Variants in MIR2052HG observed in about 807,000 individuals in gnomAD.
The protein encoded by MIR2052HG is MIR2052 host gene.
chr8:74,739,088 T>C (rs1038913049), intron 4 of MIR2052HG, among the ~76,000 whole-genome samples: 1 of 152,200 alleles, frequency 6.6e-6, no homozygotes, highest in African/African-American at 2.4e-5. Context: ...CTCTTAAACA[T>C]GTCTTTATGG....
At chr8:74,644,176 T>C (rs918120019) in intron 2 of MIR2052HG, among the ~76,000 whole-genome samples, 4 of 152,214 alleles carry the variant, frequency 2.6e-5, no homozygotes, top group African/African-American at 9.6e-5. Context: ...ATATGTCACA[T>C]TGTGCATTTT....
chr8:74,600,568 CAAAAAAAAAAAGAAAAAGGA>C (rs1357742291), intron 1 of MIR2052HG, among the ~76,000 whole-genome samples: 2 of 119,182 alleles, frequency 1.7e-5, no homozygotes, highest in Admixed American at 1.8e-4. Context: ...AACTCCCTCT[CAAAAAAAAAAAGAAAAAGGA>C]AAAAAAAAAA....
At chr8:74,656,978 T>C (rs1377460710) in intron 2 of MIR2052HG, among the ~76,000 whole-genome samples, 1 of 152,176 alleles carries the variant, frequency 6.6e-6, no homozygotes, top group Non-Finnish European at 1.5e-5. Context: ...CCTTCATACC[T>C]AGAGGCATAG....
intron 2 of MIR2052HG, among the ~76,000 whole-genome samples, chr8:74,689,724 C>G (rs1433683223): frequency 2.0e-5 from 3 of 152,150 alleles, no homozygotes; most frequent in Non-Finnish European, 4.4e-5. Flanking sequence ...TAGCTTTCCA[C>G]CTAGTAGAAG....
chr8:74,619,043 A>C (rs1027986250), intron 2 of MIR2052HG, among the ~76,000 whole-genome samples: 1 of 152,208 alleles, frequency 6.6e-6, no homozygotes, highest in African/African-American at 2.4e-5. Context: ...CAGCTACAAA[A>C]AGTACTTAGG....
At chr8:74,670,636 TAAAC>T (rs1459539638) in intron 2 of MIR2052HG, among the ~76,000 whole-genome samples, 3 of 152,108 alleles carry the variant, frequency 2.0e-5, no homozygotes, top group Non-Finnish European at 2.9e-5. Context: ...GTTAGATACT[TAAAC>T]AAAACATGGA....
At chr8:74,725,792 G>A (rs1033805304) in intron 4 of MIR2052HG, among the ~76,000 whole-genome samples, 58 of 152,224 alleles carry the variant, frequency 3.8e-4, no homozygotes, top group Non-Finnish European at 5.1e-4. Flanking sequence ...TAATATACCT[G>A]CCTTTGTAGT....
intron 4 of MIR2052HG, among the ~76,000 whole-genome samples, chr8:74,713,455 A>G (rs1445838056): frequency 1.3e-5 from 2 of 152,024 alleles, no homozygotes; most frequent in African/African-American, 4.8e-5. Flanking sequence ...TTCATGACCT[A>G]TAAGCACTTA....
intron 4 of MIR2052HG, among the ~76,000 whole-genome samples, chr8:74,735,990 T>C (rs996194377): frequency 1.3e-5 from 2 of 152,200 alleles, no homozygotes; most frequent in Non-Finnish European, 2.9e-5. Context: ...AATTTAATGA[T>C]ATCTTTGCTA....
intron 2 of MIR2052HG, among the ~76,000 whole-genome samples, chr8:74,681,796 A>G (rs991595275): frequency 1.3e-5 from 2 of 152,166 alleles, no homozygotes; most frequent in Non-Finnish European, 2.9e-5. Context: ...CTTCTGTTCT[A>G]TTTATAAGTT....
chr8:74,611,602 A>G (rs2128731389), intron 1 of MIR2052HG, among the ~76,000 whole-genome samples: 1 of 152,366 alleles, frequency 6.6e-6, no homozygotes, highest in African/African-American at 2.4e-5. Flanking sequence ...CATAAATAGT[A>G]CATTTTATTT....
At chr8:74,617,084 C>G (rs942782482) in intron 2 of MIR2052HG, among the ~76,000 whole-genome samples, 2 of 152,120 alleles carry the variant, frequency 1.3e-5, no homozygotes, top group African/African-American at 4.8e-5. Flanking sequence ...TTAGATACAA[C>G]TCTTTAAACA....
chr8:74,743,142 CG>C (rs1411981569), intron 4 of MIR2052HG, among the ~76,000 whole-genome samples: 1 of 151,216 alleles, frequency 6.6e-6, no homozygotes, highest in African/African-American at 2.4e-5. Flanking sequence ...TTTGGACACA[CG>C]GTAGAATAAG....
At chr8:74,705,503 C>T (rs371025374) in intron 4 of MIR2052HG, among the ~76,000 whole-genome samples, 12 of 151,924 alleles carry the variant, frequency 7.9e-5, no homozygotes, top group African/African-American at 2.9e-4. Flanking sequence ...CTTTTGATGC[C>T]CCAGACTGTT....
chr8:74,748,583 T>A (rs918241575), intron 4 of MIR2052HG, among the ~76,000 whole-genome samples: 2 of 152,230 alleles, frequency 1.3e-5, no homozygotes, highest in Non-Finnish European at 2.9e-5. Context: ...AAGAACCATA[T>A]AACAAGGTGC....
intron 2 of MIR2052HG, among the ~76,000 whole-genome samples, chr8:74,621,013 TC>T (rs1648109289): frequency 6.6e-6 from 1 of 152,242 alleles, no homozygotes; most frequent in South Asian, 2.1e-4. Context: ...TCCACAGATC[TC>T]TAGGGCAGAA....
chr8:74,669,827 C>T (rs1189207587), intron 2 of MIR2052HG, among the ~76,000 whole-genome samples: 1 of 152,190 alleles, frequency 6.6e-6, no homozygotes, highest in Non-Finnish European at 1.5e-5. Flanking sequence ...AGAGCAACTT[C>T]TAAGCATCTT....
intron 2 of MIR2052HG, among the ~76,000 whole-genome samples, chr8:74,632,751 A>G (rs1808531325): frequency 6.6e-6 from 1 of 152,148 alleles, no homozygotes; most frequent in South Asian, 2.1e-4. Flanking sequence ...TGAGATAATT[A>G]TCATGGGAAC....
chr8:74,755,856 C>G (rs1274277748), intron 5 of MIR2052HG, among the ~76,000 whole-genome samples: 1 of 152,132 alleles, frequency 6.6e-6, no homozygotes, highest in Admixed American at 6.5e-5. Flanking sequence ...AATGGCCAAT[C>G]ACGTGGCTGG....
Sources: allele counts gnomAD v4.1 joint callset (sites outside exome capture counted in the v4.1 genomes callset), GRCh38; gene constraint gnomAD v4.1.1; transcripts MANE v1.5; gene names NCBI Gene and HGNC (gene_info 2026-07-23, HGNC 2026-07-21).